Variants in SMO observed in about 807,000 individuals in gnomAD.
SMO encodes smoothened, frizzled class receptor.
A neutral mutation model predicts 81.6 loss-of-function variants in SMO; 40 were observed. The observed-to-expected ratio is 0.49, with a 90% confidence interval of 0.38 to 0.64. The LOEUF (loss-of-function observed/expected upper bound fraction) is 0.64. Among genes scored for constraint, SMO ranks in the 30% least tolerant of loss-of-function variants. The pLI, the probability that SMO is intolerant of heterozygous loss-of-function variation, is 0.00. For synonymous variants in SMO, 434 were observed against 432.1 expected, an observed-to-expected ratio of 1.00 and a Z score of -0.05; for missense variants, 916 against 1,061.1, an observed-to-expected ratio of 0.86 and a Z score of 1.90.
At position 129,189,501 on chromosome 7, in the gene SMO, G is replaced by A. The variant is rs1793451050; in HGVS notation, c.331+19G>A. ...TGGTCGGGTAAGTGCGGCGGAGCCGGGTCTGGGGGGCGGGAGGTGCCGCGG... is the reference window on the plus strand; with the variant it reads ...TGGTCGGGTAAGTGCGGCGGAGCCGAGTCTGGGGGGCGGGAGGTGCCGCGG... On this transcript the variant is annotated intron_variant, in intron 1 of 11. Transcript: ENST00000249373. The surrounding 1 kb of genome is among the most constrained non-coding windows in gnomAD (Gnocchi z 4.7). 1 of 1,534,824 alleles carries A rather than the reference G, an allele frequency of 6.5e-7. No individual in the cohort carries two copies. Among genetic ancestry groups the A allele is most frequent in the African/African-American group, 1.4e-5 (1 of 72,972 alleles).
chr7:129,192,685 G>A (rs1390531287), intron 1 of SMO, among the ~76,000 whole-genome samples: 3 of 152,202 alleles, frequency 2.0e-5, no homozygotes, highest in Non-Finnish European at 4.4e-5. Context: ...TGGAGCCTCA[G>A]TGAGCAGGAG....
intron 1 of SMO, among the ~76,000 whole-genome samples, chr7:129,197,803 A>G (rs1793610859): frequency 6.6e-6 from 1 of 152,036 alleles, no homozygotes; most frequent in African/African-American, 2.4e-5. Flanking sequence ...AGTAAATTGC[A>G]TTGATTGAAT....
At chr7:129,194,773 G>T (rs914540784) in intron 1 of SMO, among the ~76,000 whole-genome samples, 1 of 151,532 alleles carries the variant, frequency 6.6e-6, no homozygotes, top group African/African-American at 2.4e-5. Flanking sequence ...TTTCTTTTTT[G>T]CTTGTTTATT....
rs1793444602 is a variant in SMO at position 129,189,238 on chromosome 7, G to A, written c.87G>A (p.Gly29=). Residue 29 remains glycine (G), a synonymous_variant, in exon 1 of 12, where the codon GGG becomes GGA. Coordinates refer to ENST00000249373, the MANE Select transcript of SMO (RefSeq NM_005631.5). This position sits in a 1 kb window ranked among gnomAD's most constrained non-coding sequence, Gnocchi z 4.7. ...TGCTGCTGGGGGACCCGGGCCGGGG[G>A]GCGGCCTCGAGCGGGAACGCGACCG... ...LLLLLGDPGR[G]AASSGNATGP... 2 of 1,200,484 alleles carry A rather than the reference G, an allele frequency of 1.7e-6. No individual in the cohort carries two copies. The highest frequency in any genetic ancestry group is 3.3e-5 in the East Asian group (1 of 30,448). The allele number at this position is 1,200,484 out of a possible 1,614,324, so 74.4% of individuals were successfully genotyped here.
chr7:129,208,110 CTTTT>C lies in SMO; in HGVS notation c.1265-645_1265-642del, dbSNP rs922529629. ...TATTAGTTTTGCTTGTTTCTTTTAA[CTTTT>C]TTTAAGTGGCCACTAGAAATTTGCC... On this transcript the variant is annotated intron_variant, in intron 6 of 11. Coordinates refer to ENST00000249373, the MANE Select transcript of SMO (RefSeq NM_005631.5). The surrounding 1 kb of genome is among the most constrained non-coding windows in gnomAD (Gnocchi z 5.2). 6.6e-6 allele frequency among the ~76,000 whole-genome samples: 1 copy of C among 152,030 alleles called. No homozygotes were observed. Among genetic ancestry groups the C allele is most frequent in the African/African-American group, 2.4e-5 (1 of 41,390 alleles).
At chr7:129,205,054 G>T (rs1793740863) in intron 2 of SMO, 149 bp from the exon 3 acceptor site, 2 of 661,160 alleles carry the variant, frequency 3.0e-6, no homozygotes, top group Non-Finnish European at 5.5e-6. Context: ...GGTACAGAGA[G>T]GCCAAATAAT....
At chr7:129,195,632 T>C (rs1365838453) in intron 1 of SMO, among the ~76,000 whole-genome samples, 5 of 151,858 alleles carry the variant, frequency 3.3e-5, no homozygotes, top group African/African-American at 1.2e-4. Context: ...ATAATAGTTA[T>C]CAAATATAAA....
At position 129,210,273 on chromosome 7, in the gene SMO, C is replaced by A; in HGVS notation, c.1467-90C>A. On this transcript the variant is annotated intron_variant, in intron 8 of 11. Coordinates refer to ENST00000249373, the MANE Select transcript of SMO (RefSeq NM_005631.5). The surrounding 1 kb of genome is among the most constrained non-coding windows in gnomAD (Gnocchi z 4.7). The stretch of plus-strand genomic sequence containing the variant: ...TGGGTTGTGATCACGCCACCGCACT[C>A]TAGCCTGGGTGACAGAGCAAGATCC... 8.7e-7 allele frequency: 1 copy of A among 1,152,028 alleles called. No individual in the cohort carries two copies. Among genetic ancestry groups the A allele is most frequent in the Non-Finnish European group, 1.3e-6 (1 of 779,272 alleles). 71.4% of individuals were successfully genotyped at this position (1,152,028 alleles called of 1,614,324 possible). A position where few individuals can be genotyped will look rare whatever the true frequency, so the allele number is the denominator to read the frequency against.
In SMO at chr7:129,210,848, G is replaced by T; in HGVS notation, c.1653-117G>T. 8.7e-7 allele frequency: 1 copy of T among 1,148,892 alleles called. No homozygotes were observed. The highest frequency in any genetic ancestry group is 2.5e-5 in the East Asian group (1 of 40,722). 71.2% of individuals were successfully genotyped at this position (1,148,892 alleles called of 1,614,324 possible). A position where few individuals can be genotyped will look rare whatever the true frequency, so the allele number is the denominator to read the frequency against. On this transcript the variant is annotated intron_variant, in intron 9 of 11. Coordinates refer to ENST00000249373, the MANE Select transcript of SMO (RefSeq NM_005631.5). This position sits in a 1 kb window ranked among gnomAD's most constrained non-coding sequence, Gnocchi z 4.7. Reference sequence around the variant, plus strand: ...GGCCTCTACTCCTGAGTCCTTGAAGGACTTGAGGCCCTTGGGAGCCTCCTT... The same window carrying T: ...GGCCTCTACTCCTGAGTCCTTGAAGTACTTGAGGCCCTTGGGAGCCTCCTT...
Position 129,189,229 on chromosome 7 carries a change from G to A in SMO, c.78G>A (p.Pro26=), listed in dbSNP as rs1793444242. The A allele has an allele frequency of 8.4e-7, 1 of 1,184,092 alleles. No homozygotes were observed. The highest frequency in any genetic ancestry group is 1.6e-5 in the African/African-American group (1 of 62,900). 73.3% of individuals were successfully genotyped at this position (1,184,092 alleles called of 1,614,324 possible). A position where few individuals can be genotyped will look rare whatever the true frequency, so the allele number is the denominator to read the frequency against. ...TGCTGCTGCTGCTGCTGGGGGACCCGGGCCGGGGGGCGGCCTCGAGCGGGA... is the reference window on the plus strand; with the variant it reads ...TGCTGCTGCTGCTGCTGGGGGACCCAGGCCGGGGGGCGGCCTCGAGCGGGA... ...GLLLLLLLGD[P]GRGAASSGNA... Residue 26 remains proline (P), a synonymous_variant, in exon 1 of 12, where the codon CCG becomes CCA. Coordinates refer to ENST00000249373, the MANE Select transcript of SMO (RefSeq NM_005631.5). The surrounding 1 kb of genome is among the most constrained non-coding windows in gnomAD (Gnocchi z 4.7).
chr7:129,208,569 A>G lies in SMO; in HGVS notation c.1265-190A>G, dbSNP rs532328477. On this transcript the variant is annotated intron_variant, in intron 6 of 11. Transcript: ENST00000249373. This position sits in a 1 kb window ranked among gnomAD's most constrained non-coding sequence, Gnocchi z 5.2. ...CCACGACCGAGGCTCCCTCTTCTCA[A>G]GTGTCTGTCTAGGCTCTGCCCTGGT... Among the ~76,000 whole-genome samples the G allele has an allele frequency of 6.1e-4, 93 of 152,140 alleles. No individual in the cohort carries two copies. Among genetic ancestry groups the G allele is most frequent in the African/African-American group, 2.1e-3 (87 of 41,518 alleles).
intron 1 of SMO, among the ~76,000 whole-genome samples, chr7:129,195,190 A>G (rs1310162715): frequency 2.0e-5 from 3 of 152,234 alleles, no homozygotes; most frequent in African/African-American, 7.2e-5. Flanking sequence ...AACTGGCACA[A>G]GTTCCTTCAG....
chr7:129,212,718 G>A lies in SMO; in HGVS notation c.*267G>A. The A allele has an allele frequency of 1.9e-6, 1 of 533,356 alleles. No individual in the cohort carries two copies. The highest frequency in any genetic ancestry group is 2.5e-5 in the South Asian group (1 of 40,490). 33.0% of individuals were successfully genotyped at this position (533,356 alleles called of 1,614,324 possible). ...CCTGCCAGCTGCAGCCTGGTTGGCA[G>A]CATCTGCTCCATCGGGGCAGGGGGT... On this transcript the variant is annotated 3_prime_UTR_variant, in exon 12 of 12. Coordinates refer to ENST00000249373, the MANE Select transcript of SMO (RefSeq NM_005631.5). The surrounding 1 kb of genome is among the most constrained non-coding windows in gnomAD (Gnocchi z 5.0).
chr7:129,203,222 A>G (rs1428907265), intron 1 of SMO, among the ~76,000 whole-genome samples, 162 bp from the exon 2 acceptor site: 1 of 152,196 alleles, frequency 6.6e-6, no homozygotes, highest in East Asian at 1.9e-4. Context: ...CTATGGTATA[A>G]AGAACTGTCC....
In SMO at chr7:129,211,280, C is replaced by G; in HGVS notation, c.1801+167C>G. 1 of 795,636 alleles carries G rather than the reference C, an allele frequency of 1.3e-6. No individual in the cohort carries two copies. The allele number at this position is 795,636 out of a possible 1,614,324, so 49.3% of individuals were successfully genotyped here. A position where few individuals can be genotyped will look rare whatever the true frequency, so the allele number is the denominator to read the frequency against. On this transcript the variant is annotated intron_variant, in intron 10 of 11. Coordinates refer to ENST00000249373, the MANE Select transcript of SMO (RefSeq NM_005631.5). This position sits in a 1 kb window ranked among gnomAD's most constrained non-coding sequence, Gnocchi z 4.6. Reference sequence around the variant, plus strand: ...CATTCTTCCCCCGGCCCCTCCTACCCTCTGGGGGGCTCTCCCCTCTCTGTT... The same window carrying G: ...CATTCTTCCCCCGGCCCCTCCTACCGTCTGGGGGGCTCTCCCCTCTCTGTT...
At chr7:129,203,638 C>G (rs372953204) in intron 2 of SMO, 49 bp downstream of exon 2, 1 of 1,468,878 alleles carries the variant, frequency 6.8e-7, no homozygotes. Context: ...TGGGCAGGAC[C>G]GGGTATAGGG....
At chr7:129,192,208 G>A (rs1008776698) in intron 1 of SMO, among the ~76,000 whole-genome samples, 44 of 152,296 alleles carry the variant, frequency 2.9e-4, no homozygotes, top group African/African-American at 1.1e-3. Flanking sequence ...GCCTGGCCGA[G>A]GGAGAGTTGA....
chr7:129,201,277 C>T (rs2566870), intron 1 of SMO, among the ~76,000 whole-genome samples: 63,124 of 151,640 alleles, frequency 0.42, 13,397 homozygotes, highest in Non-Finnish European at 0.46. Context: ...GGACTCCTGA[C>T]CTTGTGATCC....
chr7:129,192,339 A>C (rs1003425050), intron 1 of SMO, among the ~76,000 whole-genome samples: 2 of 152,204 alleles, frequency 1.3e-5, no homozygotes, highest in Admixed American at 1.3e-4. Context: ...TGAGGGGTGG[A>C]ATTGTGAGAG....
Sources: gnomAD v4.1 joint callset for allele counts (sites outside exome capture counted in the v4.1 genomes callset) on GRCh38, gnomAD v4.1.1 for gene constraint, Gnocchi (gnomAD v3.1) non-coding constraint, MANE v1.5 for transcripts, NCBI Gene and HGNC (gene_info 2026-07-23, HGNC 2026-07-21) for gene names.